The following PARP11 variants were observed in gnomAD, a reference collection of about 807,000 sequenced individuals.
The protein encoded by PARP11 is poly(ADP-ribose) polymerase family member 11, also known as protein mono-ADP-ribosyltransferase PARP11.
In PARP11, 31 loss-of-function variants were observed where a neutral mutation model predicts 42.9. The observed-to-expected ratio is 0.72, with a 90% CI of 0.54 to 0.98. The LOEUF (loss-of-function observed/expected upper bound fraction) is 0.98. PARP11 is among the 50% of genes least tolerant of loss of function. The pLI is 0.00. For missense variants in PARP11, 365 were observed against 413.1 expected, an observed-to-expected ratio of 0.88 and a Z score of 1.01; for synonymous variants, 137 against 127.3, an observed-to-expected ratio of 1.08 and a Z score of -0.51.
chr12:3,870,210 T>C (rs1948450905), intron 1 of PARP11, among the ~76,000 whole-genome samples: 2 of 152,234 alleles, frequency 1.3e-5, no homozygotes, highest in African/African-American at 4.8e-5. Flanking sequence ...ACGTAGAATG[T>C]TGATTTTTAA....
chr12:3,868,135 AATG>A (rs1948421727), intron 1 of PARP11, among the ~76,000 whole-genome samples: 1 of 152,132 alleles, frequency 6.6e-6, no homozygotes, highest in South Asian at 2.1e-4. Flanking sequence ...CATCCTTCTC[AATG>A]ATAATAAAAA....
intron 1 of PARP11, chr12:3,839,985 C>T: frequency 1.3e-6 from 2 of 1,525,412 alleles, no homozygotes; most frequent in Admixed American, 1.7e-5. Flanking sequence ...CTTTGTCAGG[C>T]AACGAGCAGC....
chr12:3,822,056 T>C (rs1947406297), intron 5 of PARP11, 29 bp downstream of exon 5: 1 of 1,609,466 alleles, frequency 6.2e-7, no homozygotes, highest in Non-Finnish European at 8.5e-7. Flanking sequence ...GTTTCTTTCA[T>C]GGGTATATTC....
At chr12:3,866,205 C>T (rs367808606) in intron 1 of PARP11, among the ~76,000 whole-genome samples, 9 of 152,234 alleles carry the variant, frequency 5.9e-5, no homozygotes, top group East Asian at 3.9e-4. Flanking sequence ...ACTTATCTCA[C>T]GGTAACATTT....
intron 1 of PARP11, among the ~76,000 whole-genome samples, chr12:3,854,320 C>G (rs773067923): frequency 1.3e-5 from 2 of 152,158 alleles, no homozygotes; most frequent in East Asian, 3.8e-4. Flanking sequence ...GCACAAAAAA[C>G]TCTTCAAAAA....
chr12:3,843,470 T>C (rs1017053163), intron 1 of PARP11, among the ~76,000 whole-genome samples: 4 of 152,220 alleles, frequency 2.6e-5, no homozygotes, highest in Admixed American at 1.3e-4. Flanking sequence ...GTATTTTTTT[T>C]CCCCTTGCAC....
chr12:3,839,188 G>A (rs1365771391), intron 1 of PARP11, among the ~76,000 whole-genome samples: 2 of 148,480 alleles, frequency 1.3e-5, no homozygotes, highest in East Asian at 2.0e-4. Context: ...CGCCGCTCGC[G>A]GAGCCCGAGC....
At chr12:3,827,046 C>A (rs1388065060) in intron 3 of PARP11, among the ~76,000 whole-genome samples, 1 of 152,232 alleles carries the variant, frequency 6.6e-6, no homozygotes, top group Non-Finnish European at 1.5e-5. Flanking sequence ...TCTACACATA[C>A]TGGATTTACC....
In PARP11 at chr12:3,829,918, G is replaced by A. The variant is rs1391515321; in HGVS notation, c.119C>T (p.Ala40Val). The change falls in exon 2 of 8, where the codon GCA becomes GTA. Residue 40 changes from alanine to valine, a missense_variant. Physicochemically the swap from Ala to Val is moderately conservative, Grantham distance 64 (BLOSUM62 0). Coordinates refer to ENST00000228820, the MANE Select transcript of PARP11 (RefSeq NM_020367.6). ...AAACATGTGCCACTTCCCACATTCTGCCAAGTAAAACCAGCCCCACTGGGT... is the reference window on the plus strand; with the variant it reads ...AAACATGTGCCACTTCCCACATTCTACCAAGTAAAACCAGCCCCACTGGGT... ...SDTQWGWFYL[A>V]ECGKWHMFQP... 2 of 1,613,908 alleles carry A rather than the reference G, an allele frequency of 1.2e-6. No homozygotes were observed. Among genetic ancestry groups the A allele is most frequent in the Non-Finnish European group, 1.7e-6 (2 of 1,179,874 alleles).
intron 1 of PARP11, among the ~76,000 whole-genome samples, chr12:3,868,558 T>G (rs1385169791): frequency 6.6e-6 from 1 of 152,234 alleles, no homozygotes; most frequent in Non-Finnish European, 1.5e-5. Flanking sequence ...TGATGCTTCA[T>G]AGGCACATTA....
At chr12:3,824,345 C>A (rs773171754) in intron 4 of PARP11, among the ~76,000 whole-genome samples, 28 of 152,138 alleles carry the variant, frequency 1.8e-4, no homozygotes, top group Non-Finnish European at 2.9e-4. Flanking sequence ...AAAAATATTT[C>A]CCCAATTTTC....
chr12:3,819,502 A>G (rs957424050), intron 6 of PARP11, among the ~76,000 whole-genome samples: 9 of 152,112 alleles, frequency 5.9e-5, no homozygotes, highest in Non-Finnish European at 1.2e-4. Flanking sequence ...CTGCCATATT[A>G]ACAATCAAAA....
intron 1 of PARP11, among the ~76,000 whole-genome samples, chr12:3,833,939 AG>A (rs1308636454): frequency 1.3e-5 from 2 of 151,252 alleles, no homozygotes; most frequent in Non-Finnish European, 3.0e-5. Context: ...TTCAGCCCAG[AG>A]GTGTAGAAGC....
At chr12:3,870,951 A>T (rs1481747207) in intron 1 of PARP11, among the ~76,000 whole-genome samples, 1 of 152,254 alleles carries the variant, frequency 6.6e-6, no homozygotes, top group Non-Finnish European at 1.5e-5. Flanking sequence ...AAAATCAAAT[A>T]CAAGTAATTA....
At chr12:3,839,728 T>C in intron 1 of PARP11, 1 of 1,099,432 alleles carries the variant, frequency 9.1e-7, no homozygotes, top group South Asian at 1.2e-5. Context: ...GTTACTGTGT[T>C]TTTCAAATGG....
At chr12:3,819,011 C>T (rs1947344298) in intron 6 of PARP11, among the ~76,000 whole-genome samples, 1 of 152,152 alleles carries the variant, frequency 6.6e-6, no homozygotes, top group Admixed American at 6.5e-5. Context: ...TCTAACAACT[C>T]CAAAACCTTT....
At chr12:3,853,097 C>T (rs913358225) in intron 1 of PARP11, among the ~76,000 whole-genome samples, 4 of 152,156 alleles carry the variant, frequency 2.6e-5, no homozygotes, top group Non-Finnish European at 5.9e-5. Context: ...AGATTTTTGT[C>T]ATCACCAGGC....
rs761850580 is a variant in PARP11 at position 3,812,225 on chromosome 12, C to G, written c.915G>C (p.Val305=). 9 of 1,613,978 alleles carry G rather than the reference C, an allele frequency of 5.6e-6. No homozygotes were observed. The South Asian group carries it at 8.8e-5, about 16-fold the overall frequency. ...MRPPSKDGSY[V]NLYDSCVDDT... is the part of the protein sequence containing the mutation. ...CATCCACACAGCTGTCATATAAATTCACATAGCTCCCGTCTTTGGAAGGAG... is the reference window on the plus strand; with the variant it reads ...CATCCACACAGCTGTCATATAAATTGACATAGCTCCCGTCTTTGGAAGGAG... The change falls in exon 8 of 8, where the codon GTG becomes GTC. Residue 305 remains valine, a synonymous_variant. Transcript: ENST00000228820.
chr12:3,841,031 A>T (rs1474513521), intron 1 of PARP11: 2 of 1,583,216 alleles, frequency 1.3e-6, no homozygotes, highest in Non-Finnish European at 1.7e-6. Flanking sequence ...TCAGTGACAC[A>T]GACTTTGACC....
Sources: allele counts gnomAD v4.1 joint callset (sites outside exome capture counted in the v4.1 genomes callset), GRCh38; gene constraint gnomAD v4.1.1; transcripts MANE v1.5; gene names NCBI Gene and HGNC (gene_info 2026-07-23, HGNC 2026-07-21).